Variants in AKAP6 observed in about 807,000 individuals in gnomAD.
The protein encoded by AKAP6 is A-kinase anchor protein 6.
A neutral mutation model predicts 188.5 loss-of-function variants in AKAP6; 58 were observed. That is an observed-to-expected ratio of 0.31 (90% CI 0.25 to 0.38). AKAP6 has a LOEUF of 0.38. Among genes scored for constraint, AKAP6 ranks in the 10% least tolerant of loss-of-function variants. The probability of loss-of-function intolerance (pLI) is 1.00; values close to 1 mark genes in which losing one functional copy is unlikely to be tolerated. For missense variants in AKAP6, 2,710 were observed against 2,740.0 expected, an observed-to-expected ratio of 0.99 and a Z score of 0.24; for synonymous variants, 989 against 998.6, an observed-to-expected ratio of 0.99 and a Z score of 0.18.
At chr14:32,642,105 A>G (rs553928494) in intron 7 of AKAP6, among the ~76,000 whole-genome samples, 2 of 152,350 alleles carry the variant, frequency 1.3e-5, no homozygotes, top group South Asian at 4.1e-4. Flanking sequence ...AATAACTAGC[A>G]TATCAGTATT....
intron 2 of AKAP6, among the ~76,000 whole-genome samples, chr14:32,510,486 ATG>A (rs1211398198): frequency 8.2e-6 from 1 of 122,426 alleles, no homozygotes; most frequent in East Asian, 2.1e-4. Flanking sequence ...ACATATATAT[ATG>A]TGTATATATA....
intron 12 of AKAP6, among the ~76,000 whole-genome samples, chr14:32,802,420 G>T (rs2033975324): frequency 6.6e-6 from 1 of 152,110 alleles, no homozygotes. Context: ...AATACAAAAG[G>T]TTACTAAACC....
At chr14:32,697,006 T>G (rs1295732112) in intron 9 of AKAP6, among the ~76,000 whole-genome samples, 2 of 152,066 alleles carry the variant, frequency 1.3e-5, no homozygotes, top group Admixed American at 6.6e-5. Flanking sequence ...AAAATAAAAT[T>G]AATAACTAAC....
chr14:32,496,547 G>A (rs1169333096), intron 2 of AKAP6, among the ~76,000 whole-genome samples: 17 of 151,732 alleles, frequency 1.1e-4, no homozygotes, highest in Admixed American at 1.1e-3. Context: ...ATTTTCTGGA[G>A]AGAAGGGTCA....
chr14:32,773,808 T>C lies in AKAP6; in HGVS notation c.3503T>C (p.Val1168Ala). Residue 1168 changes from valine (V) to alanine (A), a missense_variant, in exon 12 of 14, where the codon GTA (valine) becomes GCA (alanine). Val to Ala is a moderately conservative substitution (Grantham distance 64, BLOSUM62 0). This residue lies in a region of AKAP6 where 2,473 missense variants were observed against 2,426.1 expected (regional missense o/e 1.02). Coordinates refer to ENST00000280979, the MANE Select transcript of AKAP6 (RefSeq NM_004274.5). The stretch of plus-strand genomic sequence containing the variant: ...CACCAGCCCATGCAGCTGATCATTG[T>C]AAATCTTGAAAGAAGGTGGGAAGCC... ...ADHQPMQLII[V>A]NLERRWEAIV... 1 of 1,614,106 alleles carries C rather than the reference T, an allele frequency of 6.2e-7. No individual in the cohort carries two copies. Among genetic ancestry groups the C allele is most frequent in the Non-Finnish European group, 8.5e-7 (1 of 1,180,002 alleles).
intron 2 of AKAP6, among the ~76,000 whole-genome samples, chr14:32,480,526 T>C (rs1879289159): frequency 6.6e-6 from 1 of 152,210 alleles, no homozygotes; most frequent in Non-Finnish European, 1.5e-5. Context: ...AATTTGTAGA[T>C]ATTTGTGTAA....
At chr14:32,777,142 C>CA (rs1335143027) in intron 12 of AKAP6, among the ~76,000 whole-genome samples, 47 of 151,590 alleles carry the variant, frequency 3.1e-4, no homozygotes, top group South Asian at 8.4e-4. Flanking sequence ...TGGTCTTGCC[C>CA]AAAAAAAACT....
chr14:32,360,467 A>G (rs1887621272), intron 1 of AKAP6, among the ~76,000 whole-genome samples: 1 of 152,102 alleles, frequency 6.6e-6, no homozygotes, highest in Non-Finnish European at 1.5e-5. Flanking sequence ...TGATTGTAGC[A>G]TTCATCAATA....
At chr14:32,796,986 C>G (rs1351946086) in intron 12 of AKAP6, among the ~76,000 whole-genome samples, 2 of 151,358 alleles carry the variant, frequency 1.3e-5, no homozygotes, top group Non-Finnish European at 3.0e-5. Context: ...GAGCAAAGGA[C>G]TCTTCTCAAA....
At chr14:32,474,442 T>G (rs139408426) in intron 2 of AKAP6, 2 of 152,184 alleles carry the variant, frequency 1.3e-5, no homozygotes, top group African/African-American at 4.8e-5. Context: ...TCAAAGGCAA[T>G]TGAATGGTAG....
At chr14:32,482,412 C>T (rs1879401046) in intron 2 of AKAP6, among the ~76,000 whole-genome samples, 1 of 152,148 alleles carries the variant, frequency 6.6e-6, no homozygotes. Context: ...GATATACTTC[C>T]CCCAGATACC....
At chr14:32,413,346 C>A (rs1889555328) in intron 1 of AKAP6, among the ~76,000 whole-genome samples, 1 of 151,800 alleles carries the variant, frequency 6.6e-6, no homozygotes, top group Admixed American at 6.6e-5. Flanking sequence ...CCACACCTGG[C>A]TATTTTTTAA....
At chr14:32,554,329 A>G (rs1883604177) in intron 4 of AKAP6, among the ~76,000 whole-genome samples, 1 of 152,236 alleles carries the variant, frequency 6.6e-6, no homozygotes, top group African/African-American at 2.4e-5. Flanking sequence ...GTAAGGAAGA[A>G]GAGAGGGAGA....
chr14:32,489,326 A>G (rs1879873566), intron 2 of AKAP6, among the ~76,000 whole-genome samples: 1 of 152,100 alleles, frequency 6.6e-6, no homozygotes, highest in African/African-American at 2.4e-5. Context: ...TTCCTGCCTC[A>G]GCCTCCCAAG....
At chr14:32,679,661 G>A (rs1277102742) in intron 8 of AKAP6, among the ~76,000 whole-genome samples, 4 of 152,106 alleles carry the variant, frequency 2.6e-5, no homozygotes, top group African/African-American at 9.7e-5. Context: ...AATAACTCCT[G>A]TATTCTTAGT....
intron 2 of AKAP6, chr14:32,484,791 C>A: frequency 9.3e-6 from 2 of 216,192 alleles, no homozygotes; most frequent in South Asian, 9.6e-4. Context: ...AATCAACGGT[C>A]GGCGAACATC....
intron 7 of AKAP6, among the ~76,000 whole-genome samples, chr14:32,612,137 C>G (rs746343160): frequency 3.9e-5 from 6 of 152,162 alleles, no homozygotes; most frequent in Non-Finnish European, 8.8e-5. Context: ...GCCCTCTAAA[C>G]TTCTCATTTA....
chr14:32,813,764 C>G (rs965637161), intron 12 of AKAP6, among the ~76,000 whole-genome samples: 1 of 151,996 alleles, frequency 6.6e-6, no homozygotes, highest in Non-Finnish European at 1.5e-5. Context: ...TTGTATTGCT[C>G]TTTCTTCTCG....
At chr14:32,783,685 A>G (rs2033319282) in intron 12 of AKAP6, among the ~76,000 whole-genome samples, 1 of 152,160 alleles carries the variant, frequency 6.6e-6, no homozygotes, top group South Asian at 2.1e-4. Context: ...CAGTCCTTTA[A>G]GACTCTTAAT....
Sources: gnomAD v4.1 joint callset for allele counts (sites outside exome capture counted in the v4.1 genomes callset) on GRCh38, gnomAD v4.1.1 for gene constraint, gnomAD v4.1.1 regional missense constraint, MANE v1.5 for transcripts, NCBI Gene and HGNC (gene_info 2026-07-23, HGNC 2026-07-21) for gene names.